The following MMP26 variants were observed in gnomAD, a reference collection of about 807,000 sequenced individuals.
MMP26 encodes the protein matrix metalloproteinase-26.
Under a neutral mutation model 31.0 loss-of-function variants are expected in MMP26, and 33 were observed. The ratio of observed to expected loss-of-function variants is 1.06; its 90% CI spans 0.81 to 1.42. The LOEUF is 1.42. Ranked by LOEUF, MMP26 falls within the 40% of genes most tolerant of loss-of-function variation. The pLI is 0.00. For missense variants in MMP26, 347 were observed against 316.1 expected (o/e 1.10, Z -0.74); for synonymous variants, 122 against 114.9 (o/e 1.06, Z -0.40).
At chr11:4,963,943 C>A (rs1368725093) in intron 2 of MMP26, among the ~76,000 whole-genome samples, 7 of 152,048 alleles carry the variant, frequency 4.6e-5, no homozygotes, top group Admixed American at 2.0e-4. Flanking sequence ...TGTCCTTTGA[C>A]CACTTTTTAA....
chr11:4,934,820 T>G lies in MMP26; in HGVS notation c.-144-53248T>G, dbSNP rs987864321. Among the ~76,000 whole-genome samples the G allele has an allele frequency of 1.3e-4, 19 of 150,990 alleles. No individual in the cohort carries two copies. The East Asian group carries it at 2.5e-3, about 20-fold the overall frequency. ...GCTAGCCAGTTTTCCCAGCACCATT[T>G]ATTAAATAGGGAATCCTTTCCCCAT... On this transcript the variant is annotated intron_variant, in intron 2 of 7. Transcript: ENST00000380390.
chr11:4,948,759 TA>T (rs1846344365), intron 2 of MMP26, among the ~76,000 whole-genome samples: 1 of 124,676 alleles, frequency 8.0e-6, no homozygotes, highest in African/African-American at 2.7e-5. Flanking sequence ...AGTGGAAATA[TA>T]AGAATGTATT....
At chr11:4,868,352 G>T (rs144016431) in intron 2 of MMP26, among the ~76,000 whole-genome samples, 3,005 of 152,152 alleles carry the variant, frequency 0.02, 105 homozygotes, top group African/African-American at 0.069. Context: ...CTTAAGCTGA[G>T]AAGCGACTTC....
chr11:4,991,520 C>T (rs770987139), intron 6 of MMP26, 24 bp downstream of exon 6: 17 of 1,608,000 alleles, frequency 1.1e-5, no homozygotes, highest in Middle Eastern at 3.3e-4. Context: ...TTGGTGGGAT[C>T]GCTAGAACTC....
intron 2 of MMP26, among the ~76,000 whole-genome samples, chr11:4,796,678 A>G (rs1849111777): frequency 1.3e-5 from 2 of 152,194 alleles, no homozygotes; most frequent in Admixed American, 6.5e-5. Context: ...GGAAATAGAG[A>G]CAAAGTTGCT....
rs779524080 is a variant in MMP26, at chr11:4,821,914, G to T, written c.-145+54573G>T. 6.1e-5 allele frequency: 99 copies of T among 1,613,828 alleles called. No individual in the cohort carries two copies. Among genetic ancestry groups the T allele is most frequent in the Non-Finnish European group, 8.2e-5 (97 of 1,179,964 alleles). On this transcript the variant is annotated intron_variant, in intron 2 of 7. Coordinates refer to ENST00000380390, the MANE Select transcript of MMP26 (RefSeq NM_021801.5). ...CGTCATGTTGCCAGTCATGCTCTTT[G>T]TCAAGAGGTTGTCCTTCTGCAGTTC...
intron 2 of MMP26, chr11:4,907,829 C>G (rs376236015): frequency 4.3e-6 from 7 of 1,613,632 alleles, no homozygotes; most frequent in Admixed American, 1.7e-5. Context: ...TAGGAGCATT[C>G]TCTTAGTGAT....
At position 4,821,498 on chromosome 11, in the gene MMP26, A is replaced by G. The variant is rs113681012; in HGVS notation, c.-145+54157A>G. 11 of 1,612,418 alleles carry G rather than the reference A, an allele frequency of 6.8e-6. No individual in the cohort carries two copies. The African/African-American group carries it at 8.0e-5, about 12-fold the overall frequency. On this transcript the variant is annotated intron_variant, in intron 2 of 7. Transcript: ENST00000380390. The stretch of plus-strand genomic sequence containing the variant: ...GGCATTCCAGGCCTGAAAGCCACCC[A>G]GTACTGGATCTCCATCCCTTTTTGT...
intron 2 of MMP26, among the ~76,000 whole-genome samples, chr11:4,985,980 T>G (rs1846879877): frequency 6.6e-6 from 1 of 152,238 alleles, no homozygotes. Flanking sequence ...TGGTTTCCCA[T>G]GTCTTTAATT....
intron 2 of MMP26, among the ~76,000 whole-genome samples, chr11:4,899,872 G>A (rs966685556): frequency 4.6e-5 from 7 of 152,072 alleles, no homozygotes; most frequent in South Asian, 2.1e-4. Flanking sequence ...TAGCTCAACA[G>A]AACATAAATT....
intron 2 of MMP26, among the ~76,000 whole-genome samples, chr11:4,810,189 G>T (rs1849330740): frequency 6.6e-6 from 1 of 152,094 alleles, no homozygotes; most frequent in Admixed American, 6.6e-5. Flanking sequence ...TGCAAAAAAG[G>T]TGTGTTGTTG....
chr11:4,706,527 G>A (rs1441719737), intron 1 of MMP26, among the ~76,000 whole-genome samples: 2 of 139,902 alleles, frequency 1.4e-5, no homozygotes, highest in Non-Finnish European at 3.0e-5. Flanking sequence ...ACAGTGAGCA[G>A]TGATTGCGCC....
intron 2 of MMP26, chr11:4,769,537 G>A: frequency 6.2e-7 from 1 of 1,613,600 alleles, no homozygotes; most frequent in Non-Finnish European, 8.5e-7. Context: ...GGTCACAGAT[G>A]GCCACATAAC....
chr11:4,923,373 C>A lies in MMP26; in HGVS notation c.-144-64695C>A, dbSNP rs756928915. The A allele has an allele frequency of 4.5e-6, 7 of 1,544,238 alleles. No homozygotes were observed. In the East Asian group the frequency reaches 1.6e-4, roughly 35 times the overall value. ...CCAAAACTTCCTCTCTTTACTCTAACTTAATCCTTCCAAAAACACCTAAGT... is the reference window on the plus strand; with the variant it reads ...CCAAAACTTCCTCTCTTTACTCTAAATTAATCCTTCCAAAAACACCTAAGT... On this transcript the variant is annotated intron_variant, in intron 2 of 7. Transcript: ENST00000380390.
chr11:4,725,700 T>A (rs981994841), intron 1 of MMP26, among the ~76,000 whole-genome samples: 8 of 152,230 alleles, frequency 5.3e-5, no homozygotes, highest in African/African-American at 1.9e-4. Context: ...AGCAGAGATA[T>A]AATGGCTCCC....
intron 2 of MMP26, among the ~76,000 whole-genome samples, chr11:4,817,897 G>C (rs1427852652): frequency 6.6e-6 from 1 of 152,070 alleles, no homozygotes; most frequent in Admixed American, 6.5e-5. Context: ...AGTAGAAAGG[G>C]CACCTCTTCC....
At chr11:4,804,082 C>T (rs1849227647) in intron 2 of MMP26, 1 of 1,613,968 alleles carries the variant, frequency 6.2e-7, no homozygotes, top group African/African-American at 1.3e-5. Context: ...CTGGATGAGG[C>T]AGGCATGGTA....
Position 4,766,872 on chromosome 11 carries a change from C to T in MMP26, c.-216-398C>T, listed in dbSNP as rs767349019. Among the ~76,000 whole-genome samples, 20 of 151,968 alleles carry T rather than the reference C, an allele frequency of 1.3e-4. No homozygotes were observed. In the South Asian group the frequency reaches 2.3e-3, roughly 17 times the overall value. On this transcript the variant is annotated intron_variant, in intron 1 of 7. Coordinates refer to ENST00000380390, the MANE Select transcript of MMP26 (RefSeq NM_021801.5). ...GCTGTGCTATCGGTTCGGAATATTG[C>T]GATGAGTGCTTATTGTGATAATGTT...
In MMP26 at chr11:4,848,253, A is replaced by G. The variant is rs148105520; in HGVS notation, c.-145+80912A>G. On this transcript the variant is annotated intron_variant, in intron 2 of 7. Coordinates refer to ENST00000380390, the MANE Select transcript of MMP26 (RefSeq NM_021801.5). ...ACATCCTACTCACTGAGCACCACCC[A>G]CCTTCCTGGGCTGCAACCTGTTGAG... is the stretch of plus-strand genomic sequence containing the variant. 5.6e-6 allele frequency: 9 copies of G among 1,607,304 alleles called. No individual in the cohort carries two copies. The African/African-American group carries it at 1.1e-4, about 19-fold the overall frequency.
Sources: allele counts gnomAD v4.1 joint callset (sites outside exome capture counted in the v4.1 genomes callset), GRCh38; gene constraint gnomAD v4.1.1; transcripts MANE v1.5; gene names NCBI Gene and HGNC (gene_info 2026-07-23, HGNC 2026-07-21).